The following PCDH15 variants were observed in gnomAD, a reference collection of about 807,000 sequenced individuals.
The protein encoded by PCDH15 is protocadherin related 15.
In PCDH15, 129 loss-of-function variants were observed where a neutral mutation model predicts 178.5. The observed-to-expected ratio is 0.72, with a 90% confidence interval of 0.63 to 0.84. The LOEUF (loss-of-function observed/expected upper bound fraction) is 0.84. PCDH15 is among the 40% of genes least tolerant of loss of function. PCDH15 has a pLI of 0.00. For missense variants in PCDH15, 2,230 were observed against 2,099.9 expected (o/e 1.06, Z -1.21); for synonymous variants, 800 against 732.0 (o/e 1.09, Z -1.50).
intron 1 of PCDH15, among the ~76,000 whole-genome samples, chr10:55,301,916 A>AGTT (rs1313641084): frequency 6.6e-6 from 1 of 152,148 alleles, no homozygotes; most frequent in African/African-American, 2.4e-5. Flanking sequence ...GAACTGTCTG[A>AGTT]GTTCTCTGTT....
chr10:54,725,073 T>C (rs1353024717), intron 1 of PCDH15, among the ~76,000 whole-genome samples: 1 of 151,498 alleles, frequency 6.6e-6, no homozygotes, highest in Non-Finnish European at 1.5e-5. Flanking sequence ...AGAAATGGAT[T>C]TTATGAATTT....
At chr10:54,939,982 C>T (rs1838019049) in intron 2 of PCDH15, among the ~76,000 whole-genome samples, 1 of 152,120 alleles carries the variant, frequency 6.6e-6, no homozygotes, top group South Asian at 2.1e-4. Flanking sequence ...CACATTCAGA[C>T]TACAGCACAC....
At chr10:54,835,161 T>G (rs995095246) in intron 3 of PCDH15, among the ~76,000 whole-genome samples, 1 of 152,012 alleles carries the variant, frequency 6.6e-6, no homozygotes, top group African/African-American at 2.4e-5. Flanking sequence ...AAAGAGACAA[T>G]AGCGAAATAA....
chr10:54,478,403 T>C (rs946139376), intron 3 of PCDH15, among the ~76,000 whole-genome samples: 2 of 152,174 alleles, frequency 1.3e-5, no homozygotes, highest in African/African-American at 4.8e-5. Flanking sequence ...CAAATTGTAA[T>C]GATAGCCAGT....
chr10:55,114,081 T>G (rs1219942485), intron 2 of PCDH15, among the ~76,000 whole-genome samples: 1 of 152,146 alleles, frequency 6.6e-6, no homozygotes, highest in Admixed American at 6.5e-5. Context: ...CCTGAGTAGC[T>G]GGGACTACAG....
chr10:55,391,778 G>A (rs555814349), intron 2 of PCDH15, among the ~76,000 whole-genome samples: 4 of 152,222 alleles, frequency 2.6e-5, no homozygotes, highest in East Asian at 1.9e-4. Flanking sequence ...GAGTCACCAC[G>A]CCCTGCCAGA....
intron 3 of PCDH15, among the ~76,000 whole-genome samples, chr10:54,380,863 A>G (rs998134626): frequency 2.0e-5 from 3 of 150,516 alleles, no homozygotes; most frequent in Non-Finnish European, 3.0e-5. Context: ...GTAGTGAAAC[A>G]AAAACACTGT....
chr10:55,273,348 C>T (rs1842497594), intron 1 of PCDH15, among the ~76,000 whole-genome samples: 2 of 152,032 alleles, frequency 1.3e-5, no homozygotes. Flanking sequence ...GAATGAAACA[C>T]CTCTTACCTA....
intron 35 of PCDH15, 68 bp from the exon 36 acceptor site, chr10:53,811,687 T>G: frequency 1.1e-6 from 1 of 919,218 alleles, no homozygotes; most frequent in South Asian, 1.9e-5. Flanking sequence ...AAAGTCAGAT[T>G]TCTACACCTA....
intron 2 of PCDH15, among the ~76,000 whole-genome samples, chr10:54,573,913 T>C (rs968345064): frequency 1.3e-5 from 2 of 152,206 alleles, no homozygotes; most frequent in African/African-American, 4.8e-5. Flanking sequence ...TCATTGTAGA[T>C]TCTGGATATT....
intron 2 of PCDH15, among the ~76,000 whole-genome samples, chr10:54,987,200 C>G (rs1007520673): frequency 2.6e-5 from 4 of 152,100 alleles, no homozygotes; most frequent in Non-Finnish European, 5.9e-5. Flanking sequence ...TGAACTCATC[C>G]TTTTTTAAGG....
chr10:53,984,151 T>TTC (rs1554895160), intron 21 of PCDH15, among the ~76,000 whole-genome samples: 1 of 105,960 alleles, frequency 9.4e-6, no homozygotes, highest in African/African-American at 3.0e-5. Flanking sequence ...TTCTTTTCTT[T>TTC]TTTTTTTTTT....
At chr10:54,366,485 T>G (rs141876460) in intron 5 of PCDH15, among the ~76,000 whole-genome samples, 2 of 152,164 alleles carry the variant, frequency 1.3e-5, no homozygotes, top group African/African-American at 2.4e-5. Context: ...TATCTATTTA[T>G]ACACATACAC....
chr10:54,144,793 G>A (rs1401626795), intron 14 of PCDH15, among the ~76,000 whole-genome samples: 2 of 151,818 alleles, frequency 1.3e-5, no homozygotes, highest in African/African-American at 4.9e-5. Context: ...TACAAAAGAG[G>A]ATTTTAAAAA....
At chr10:55,094,421 T>G (rs1360863683) in intron 2 of PCDH15, among the ~76,000 whole-genome samples, 1 of 151,822 alleles carries the variant, frequency 6.6e-6, no homozygotes, top group Non-Finnish European at 1.5e-5. Context: ...GGGATAGCAT[T>G]TAGGAGGAAT....
At chr10:54,202,432 T>C (rs2050327851) in intron 10 of PCDH15, among the ~76,000 whole-genome samples, 1 of 151,972 alleles carries the variant, frequency 6.6e-6, no homozygotes, top group South Asian at 2.1e-4. Context: ...AAGGGACAGA[T>C]AAATGTTAAA....
chr10:53,978,031 T>C (rs755872973), intron 21 of PCDH15, among the ~76,000 whole-genome samples: 2 of 152,172 alleles, frequency 1.3e-5, no homozygotes, highest in Non-Finnish European at 2.9e-5. Context: ...ATGGCTGGCA[T>C]TGAATGCCTG....
At chr10:54,164,653 A>T (rs1030476805) in intron 13 of PCDH15, among the ~76,000 whole-genome samples, 1 of 152,178 alleles carries the variant, frequency 6.6e-6, no homozygotes, top group Non-Finnish European at 1.5e-5. Flanking sequence ...TTCTTAGTGT[A>T]TGAAATATGC....
chr10:54,211,094 G>A (rs1240497833), intron 10 of PCDH15, among the ~76,000 whole-genome samples: 4 of 152,054 alleles, frequency 2.6e-5, no homozygotes, highest in Non-Finnish European at 4.4e-5. Flanking sequence ...TACTGAAAGT[G>A]ATTTTATGGA....
Sources: allele counts gnomAD v4.1 joint callset (sites outside exome capture counted in the v4.1 genomes callset), GRCh38; gene constraint gnomAD v4.1.1; transcripts MANE v1.5; gene names NCBI Gene and HGNC (gene_info 2026-07-23, HGNC 2026-07-21).